Variants in EYS observed in about 807,000 individuals in gnomAD.
EYS encodes protein eyes shut homolog.
Under a neutral mutation model 282.1 loss-of-function variants are expected in EYS, and 250 were observed. That is an observed-to-expected ratio of 0.89 (90% CI 0.80 to 0.98). The LOEUF (loss-of-function observed/expected upper bound fraction) is 0.98, where lower values mean the gene tolerates loss of function less well. Among genes scored for constraint, EYS ranks in the 50% least tolerant of loss-of-function variants. EYS has a pLI of 0.00. For missense variants in EYS, 4,016 were observed against 3,709.0 expected (o/e 1.08, Z -2.15); for synonymous variants, 1,355 against 1,282.9 (o/e 1.06, Z -1.20).
chr6:63,805,271 A>C (rs945403413), intron 37 of EYS, among the ~76,000 whole-genome samples: 6 of 152,218 alleles, frequency 3.9e-5, no homozygotes, highest in African/African-American at 7.2e-5. Flanking sequence ...TTGACTTAGC[A>C]CATGCATAAC....
intron 2 of EYS, among the ~76,000 whole-genome samples, chr6:65,544,134 T>C (rs1421017170): frequency 1.3e-5 from 2 of 152,002 alleles, no homozygotes; most frequent in Non-Finnish European, 2.9e-5. Flanking sequence ...ATTTAACTCT[T>C]TCATGACCAC....
At chr6:65,478,989 G>A (rs982913172) in intron 5 of EYS, among the ~76,000 whole-genome samples, 5 of 151,914 alleles carry the variant, frequency 3.3e-5, no homozygotes, top group Non-Finnish European at 5.9e-5. Context: ...TTTATCCAAC[G>A]AAATTATCTA....
At chr6:63,913,629 G>A (rs1764339205) in intron 35 of EYS, among the ~76,000 whole-genome samples, 1 of 152,140 alleles carries the variant, frequency 6.6e-6, no homozygotes, top group Non-Finnish European at 1.5e-5. Context: ...TATTTTTAAA[G>A]GTTCATTCAT....
In EYS at chr6:64,296,305, T is replaced by C. The variant is rs115859017; in HGVS notation, c.6191+10665A>G. On this transcript the variant is annotated intron_variant, in intron 30 of 42. Coordinates refer to ENST00000503581, the MANE Select transcript of EYS (RefSeq NM_001142800.2). ...GCAGAAGCACATATGAGAATCCAGC[T>C]GTATTTATTAAAGCAGGTATTAAAT... Among the ~76,000 whole-genome samples, 894 of 152,270 alleles carry C rather than the reference T, an allele frequency of 5.9e-3. 8 individuals are homozygous for C. The highest frequency in any genetic ancestry group is 0.021 in the African/African-American group (855 of 41,542).
In EYS at chr6:64,590,540, G is replaced by C. The variant is rs1344006747; in HGVS notation, c.5327C>G (p.Pro1776Arg). The C allele has an allele frequency of 6.4e-7, 1 of 1,551,192 alleles. No homozygotes were observed. Among genetic ancestry groups the C allele is most frequent in the Non-Finnish European group, 8.7e-7 (1 of 1,146,734 alleles). The change falls in exon 26 of 43, where the codon CCA becomes CGA. Residue 1776 changes from proline (P) to arginine (R), a missense_variant. Physicochemically the swap from Pro to Arg is moderately radical, Grantham distance 103. Transcript: ENST00000503581. Reference sequence around the variant, plus strand: ...AAAATCAGGCACTGAGCCTGTCAATGGTGGCAGATTATTTTTGAAGTCATT... The same window carrying C: ...AAAATCAGGCACTGAGCCTGTCAATCGTGGCAGATTATTTTTGAAGTCATT... ...HANDFKNNLP[P>R]LTGSVPDFSE...
chr6:64,074,891 C>T (rs1771711882), intron 32 of EYS, among the ~76,000 whole-genome samples: 1 of 151,884 alleles, frequency 6.6e-6, no homozygotes, highest in Non-Finnish European at 1.5e-5. Flanking sequence ...CACTTGTAGT[C>T]AAACTAAGAC....
intron 28 of EYS, among the ~76,000 whole-genome samples, chr6:64,394,699 A>G (rs1489440413): frequency 2.0e-5 from 3 of 151,878 alleles, no homozygotes; most frequent in African/African-American, 4.8e-5. Flanking sequence ...CCTGGGCATT[A>G]CCATTCAGGA....
At chr6:65,506,089 T>C (rs1282142187) in intron 2 of EYS, among the ~76,000 whole-genome samples, 1 of 152,182 alleles carries the variant, frequency 6.6e-6, no homozygotes, top group Non-Finnish European at 1.5e-5. Context: ...AGGATTGTTA[T>C]GTCTGTTTGC....
chr6:65,228,789 G>A lies in EYS; in HGVS notation c.2023+67074C>T, dbSNP rs140864080. Among the ~76,000 whole-genome samples the A allele has an allele frequency of 5.6e-3, 857 of 152,176 alleles. 7 individuals are homozygous for A. Among genetic ancestry groups the A allele is most frequent in the African/African-American group, 0.02 (821 of 41,556 alleles). On this transcript the variant is annotated intron_variant, in intron 12 of 42. Coordinates refer to ENST00000503581, the MANE Select transcript of EYS (RefSeq NM_001142800.2). ...TTATAATGCTGTAGTAATCACAAGA[G>A]TGGTGGTATTGGTAAGAGAGAAAGA...
At chr6:63,888,043 C>T (rs1773310440) in intron 35 of EYS, among the ~76,000 whole-genome samples, 1 of 152,196 alleles carries the variant, frequency 6.6e-6, no homozygotes, top group African/African-American at 2.4e-5. Flanking sequence ...CTGGGTGGAA[C>T]CCACTGCAGT....
intron 8 of EYS, among the ~76,000 whole-genome samples, chr6:65,381,464 C>T (rs538498360): frequency 4.6e-5 from 7 of 151,654 alleles, no homozygotes; most frequent in Middle Eastern, 3.4e-3. Context: ...CGAGGCCTGT[C>T]GGGCAGAGTG....
intron 12 of EYS, among the ~76,000 whole-genome samples, chr6:65,061,248 T>G (rs529301596): frequency 1.3e-5 from 2 of 151,956 alleles, no homozygotes; most frequent in Non-Finnish European, 2.9e-5. Flanking sequence ...AAATTTCCAC[T>G]TATTTGACAA....
At chr6:65,329,348 T>C (rs1769713355) in intron 11 of EYS, 2 of 849,866 alleles carry the variant, frequency 2.4e-6, no homozygotes, top group South Asian at 5.4e-5. Context: ...TACAATGATA[T>C]GTACTCTAGA....
At chr6:64,193,317 C>G (rs1765174612) in intron 31 of EYS, among the ~76,000 whole-genome samples, 1 of 146,754 alleles carries the variant, frequency 6.8e-6, no homozygotes, top group Non-Finnish European at 1.5e-5. Context: ...ATTGTTTTTT[C>G]TTTTTTTTTT....
At chr6:64,716,208 C>T (rs530306988) in intron 22 of EYS, among the ~76,000 whole-genome samples, 1 of 152,314 alleles carries the variant, frequency 6.6e-6, no homozygotes, top group Admixed American at 6.5e-5. Context: ...GAAGCAATCT[C>T]TTTGATCCAA....
intron 29 of EYS, among the ~76,000 whole-genome samples, chr6:64,344,700 G>T (rs1427188659): frequency 1.3e-5 from 2 of 152,020 alleles, no homozygotes; most frequent in Non-Finnish European, 2.9e-5. Context: ...TCTGGCCAGG[G>T]CAATCAGGCA....
intron 19 of EYS, among the ~76,000 whole-genome samples, chr6:64,879,438 C>T (rs1266962230): frequency 2.0e-5 from 3 of 149,040 alleles, no homozygotes; most frequent in African/African-American, 7.4e-5. Context: ...GAAAATAGCA[C>T]ATACACGCAG....
chr6:64,802,871 G>T (rs1764296756), intron 22 of EYS, among the ~76,000 whole-genome samples: 1 of 152,168 alleles, frequency 6.6e-6, no homozygotes, highest in Non-Finnish European at 1.5e-5. Context: ...AGACTGATTT[G>T]CCACAATTAT....
Position 65,326,909 on chromosome 6 carries a change from A to G in EYS, c.1766+8071T>C, listed in dbSNP as rs1018911099. Among the ~76,000 whole-genome samples the G allele has an allele frequency of 5.6e-4, 85 of 151,856 alleles. 1 individual carries two copies. The highest frequency in any genetic ancestry group is 1.8e-3 in the African/African-American group (75 of 41,560). The stretch of plus-strand genomic sequence containing the variant: ...CAAAGATTTGTCAGTAGACCACAAA[A>G]TAAAATTATTTTATTTCTAATAAGT... On this transcript the variant is annotated intron_variant, in intron 11 of 42. Transcript: ENST00000503581.
Sources: allele counts gnomAD v4.1 joint callset (sites outside exome capture counted in the v4.1 genomes callset), GRCh38; gene constraint gnomAD v4.1.1; transcripts MANE v1.5; gene names NCBI Gene and HGNC (gene_info 2026-07-23, HGNC 2026-07-21).